Variants in SBF2 observed in about 807,000 individuals in gnomAD.
SBF2 encodes the protein SET binding factor 2, also known as myotubularin-related protein 13.
Under a neutral mutation model 225.2 loss-of-function variants are expected in SBF2, and 112 were observed. The observed-to-expected ratio is 0.50, with a 90% CI of 0.43 to 0.58. The LOEUF is 0.58. Among genes scored for constraint, SBF2 ranks in the 20% least tolerant of loss-of-function variants. The pLI is 0.00. For missense variants in SBF2, 1,996 were observed against 2,206.2 expected, an observed-to-expected ratio of 0.90 and a Z score of 1.91; for synonymous variants, 763 against 773.3, an observed-to-expected ratio of 0.99 and a Z score of 0.22.
intron 16 of SBF2, chr11:9,959,366 C>T: frequency 2.5e-6 from 2 of 792,116 alleles, no homozygotes; most frequent in South Asian, 2.7e-5. Flanking sequence ...GGAAGGCCAA[C>T]CAAAGGGGTG....
intron 6 of SBF2, among the ~76,000 whole-genome samples, chr11:10,010,794 T>TG (rs1439634078): frequency 2.0e-5 from 3 of 152,264 alleles, no homozygotes; most frequent in African/African-American, 7.2e-5. Flanking sequence ...GGTAGCTTGA[T>TG]GGGGATAGCA....
At chr11:10,185,068 T>C (rs1283666578) in intron 2 of SBF2, among the ~76,000 whole-genome samples, 1 of 151,268 alleles carries the variant, frequency 6.6e-6, no homozygotes, top group East Asian at 2.0e-4. Context: ...TGTTGTAACA[T>C]GTGTCAGAAT....
chr11:9,921,327 C>T (rs1863616217), intron 16 of SBF2, among the ~76,000 whole-genome samples: 1 of 152,130 alleles, frequency 6.6e-6, no homozygotes, highest in South Asian at 2.1e-4. Context: ...GCCTGGGCCT[C>T]CCAAAGTGCT....
At chr11:10,199,024 T>C (rs1476320313) in intron 1 of SBF2, among the ~76,000 whole-genome samples, 1 of 152,230 alleles carries the variant, frequency 6.6e-6, no homozygotes, top group African/African-American at 2.4e-5. Flanking sequence ...GGCTGTTTGG[T>C]ACAAGAGGCC....
intron 1 of SBF2, among the ~76,000 whole-genome samples, chr11:10,229,954 C>CT (rs1456561200): frequency 2.6e-5 from 4 of 152,154 alleles, no homozygotes; most frequent in African/African-American, 9.7e-5. Flanking sequence ...GTCTAAGTCT[C>CT]TTTGTAGGTC....
intron 6 of SBF2, among the ~76,000 whole-genome samples, chr11:10,026,456 T>C (rs867932103): frequency 1.3e-5 from 2 of 152,154 alleles, no homozygotes; most frequent in Non-Finnish European, 2.9e-5. Context: ...CCAGGCTGCA[T>C]GCAGTGGCTC....
At position 9,998,328 on chromosome 11, in the gene SBF2, A is replaced by G. The variant is rs758820956; in HGVS notation, c.913T>C (p.Cys305Arg). The G allele has an allele frequency of 1.9e-6, 3 of 1,610,100 alleles. No individual in the cohort carries two copies. The highest frequency in any genetic ancestry group is 2.2e-5 in the East Asian group (1 of 44,816). ...LDGGTIKIPE[C>R]IHLSSLPEPL... Reference sequence around the variant, plus strand: ...TCTGGGAGGGAAGAGAGGTGAATACATTCGGGAATTTTAATAGTGCCTCCA... The same window carrying G: ...TCTGGGAGGGAAGAGAGGTGAATACGTTCGGGAATTTTAATAGTGCCTCCA... The change falls in exon 9 of 40, where the codon TGT (cysteine) becomes CGT (arginine). Residue 305 changes from cysteine to arginine, a missense_variant. Physicochemically the swap from Cys to Arg is radical, Grantham distance 180 (BLOSUM62 -3). Transcript: ENST00000256190.
intron 1 of SBF2, among the ~76,000 whole-genome samples, chr11:10,242,201 G>A (rs540786354): frequency 9.2e-5 from 14 of 151,980 alleles, no homozygotes; most frequent in East Asian, 7.8e-4. Flanking sequence ...ATAAAGAGTC[G>A]TTCTGACATA....
At chr11:10,148,497 C>T (rs936592378) in intron 2 of SBF2, among the ~76,000 whole-genome samples, 3 of 138,578 alleles carry the variant, frequency 2.2e-5, no homozygotes, top group East Asian at 3.9e-4. Flanking sequence ...TCACTAAATA[C>T]CTATTTTTTT....
At chr11:9,784,842 T>G in intron 37 of SBF2, 1 of 526,888 alleles carries the variant, frequency 1.9e-6, no homozygotes, top group Non-Finnish European at 3.4e-6. Flanking sequence ...ACTGACAAAG[T>G]GCTGGCTGAC....
At chr11:9,839,058 T>C (rs1323801280) in intron 26 of SBF2, 1 of 232,828 alleles carries the variant, frequency 4.3e-6, no homozygotes, top group South Asian at 6.2e-5. Flanking sequence ...GTGGCTGCTT[T>C]TGCGGCACAG....
At position 9,813,994 on chromosome 11, in the gene SBF2, T is replaced by C. The variant is rs1441412491; in HGVS notation, c.3979-1286A>G. On this transcript the variant is annotated intron_variant, in intron 29 of 39. Coordinates refer to ENST00000256190, the MANE Select transcript of SBF2 (RefSeq NM_030962.4). The stretch of plus-strand genomic sequence containing the variant: ...CGAAAGGCTTTGTTCATTTCTATCT[T>C]TGGGATAATATTTTTTCACTTAATA... Among the ~76,000 whole-genome samples the C allele has an allele frequency of 2.0e-5, 3 of 152,280 alleles. No individual in the cohort carries two copies. In the East Asian group the frequency reaches 5.8e-4, roughly 29 times the overall value.
intron 16 of SBF2, among the ~76,000 whole-genome samples, chr11:9,945,130 CA>C (rs956142288): frequency 2.0e-5 from 3 of 151,052 alleles, no homozygotes; most frequent in African/African-American, 7.3e-5. Flanking sequence ...CATATGGGAC[CA>C]AAAAAAAGGC....
At chr11:10,201,878 A>T (rs2135355672) in intron 1 of SBF2, among the ~76,000 whole-genome samples, 1 of 152,314 alleles carries the variant, frequency 6.6e-6, no homozygotes. Flanking sequence ...CATCTCAAAT[A>T]AAAAAATGCA....
At chr11:9,900,959 T>C (rs1031816161) in intron 16 of SBF2, among the ~76,000 whole-genome samples, 8 of 152,158 alleles carry the variant, frequency 5.3e-5, no homozygotes, top group African/African-American at 1.9e-4. Flanking sequence ...AAGCTGGTCT[T>C]GGACTCCTGC....
At chr11:9,828,921 T>A (rs1855220160) in intron 28 of SBF2, among the ~76,000 whole-genome samples, 1 of 148,478 alleles carries the variant, frequency 6.7e-6, no homozygotes, top group Non-Finnish European at 1.5e-5. Flanking sequence ...CTGGGTATGA[T>A]AAATATGGGA....
intron 2 of SBF2, among the ~76,000 whole-genome samples, chr11:10,119,766 C>A (rs1953345486): frequency 2.0e-5 from 3 of 152,202 alleles, no homozygotes; most frequent in African/African-American, 2.4e-5. Flanking sequence ...TACCTAATAT[C>A]TTGTGGTTAC....
chr11:10,177,006 C>T (rs1400757666), intron 2 of SBF2, among the ~76,000 whole-genome samples: 1 of 151,914 alleles, frequency 6.6e-6, no homozygotes, highest in Non-Finnish European at 1.5e-5. Flanking sequence ...ATCAAGTGGG[C>T]TTCATCCCTG....
At chr11:10,206,791 C>G (rs1362510288) in intron 1 of SBF2, among the ~76,000 whole-genome samples, 1 of 151,970 alleles carries the variant, frequency 6.6e-6, no homozygotes, top group East Asian at 1.9e-4. Context: ...TTTACCCAGT[C>G]TGAACAACGG....
Sources: gnomAD v4.1 joint callset for allele counts (sites outside exome capture counted in the v4.1 genomes callset) on GRCh38, gnomAD v4.1.1 for gene constraint, MANE v1.5 for transcripts, NCBI Gene and HGNC (gene_info 2026-07-23, HGNC 2026-07-21) for gene names.